The following SNTG1 variants were observed in gnomAD, a reference collection of about 807,000 sequenced individuals.
The protein encoded by SNTG1 is syntrophin gamma 1.
A neutral mutation model predicts 74.7 loss-of-function variants in SNTG1; 39 were observed. That is an observed-to-expected ratio of 0.52 (90% CI 0.40 to 0.68). The LOEUF is 0.68. Among genes scored for constraint, SNTG1 ranks in the 30% least tolerant of loss-of-function variants. SNTG1 has a pLI of 0.00. For synonymous variants in SNTG1, 254 were observed against 217.1 expected, an observed-to-expected ratio of 1.17 and a Z score of -1.49; for missense variants, 685 against 609.5, an observed-to-expected ratio of 1.12 and a Z score of -1.30.
At chr8:50,383,568 T>A (rs2092525691) in intron 2 of SNTG1, among the ~76,000 whole-genome samples, 1 of 152,194 alleles carries the variant, frequency 6.6e-6, no homozygotes, top group East Asian at 1.9e-4. Flanking sequence ...TAGTTGGTAG[T>A]AATAACCGCC....
At chr8:50,388,008 G>A (rs962189574) in intron 2 of SNTG1, among the ~76,000 whole-genome samples, 4 of 152,146 alleles carry the variant, frequency 2.6e-5, no homozygotes, top group Non-Finnish European at 1.5e-5. Context: ...CAACGTCTGT[G>A]TTTAACAGAA....
intron 13 of SNTG1, among the ~76,000 whole-genome samples, chr8:50,596,031 C>T (rs888128386): frequency 6.6e-6 from 1 of 151,890 alleles, no homozygotes; most frequent in Non-Finnish European, 1.5e-5. Flanking sequence ...GTATTTTGAA[C>T]ATTTTAAGAA....
rs539850534 is a variant in SNTG1, at chr8:49,964,795, G to A, written c.-103+52564G>A. Reference sequence around the variant, plus strand: ...TCCATGATAGTAGGTATTCATTAGTGATCTCTTCCAAAAATTGTCTTTGTT... The same window carrying A: ...TCCATGATAGTAGGTATTCATTAGTAATCTCTTCCAAAAATTGTCTTTGTT... On this transcript the variant is annotated intron_variant, in intron 1 of 18. Coordinates refer to ENST00000642720, the MANE Select transcript of SNTG1 (RefSeq NM_018967.5). 8.5e-5 allele frequency among the ~76,000 whole-genome samples: 13 copies of A among 152,170 alleles called. No individual in the cohort carries two copies. The South Asian group carries it at 2.5e-3, about 29-fold the overall frequency.
chr8:50,490,302 G>T (rs2093839853), intron 8 of SNTG1, among the ~76,000 whole-genome samples: 1 of 152,064 alleles, frequency 6.6e-6, no homozygotes, highest in South Asian at 2.1e-4. Context: ...TTCTAATTCT[G>T]TGAAGAAAGT....
At chr8:50,476,910 T>A (rs1212673620) in intron 8 of SNTG1, among the ~76,000 whole-genome samples, 1 of 134,050 alleles carries the variant, frequency 7.5e-6, no homozygotes, top group Non-Finnish European at 1.7e-5. Flanking sequence ...ACACACACAG[T>A]ATTAATAGGG....
chr8:50,560,983 T>G (rs146260473), intron 12 of SNTG1, among the ~76,000 whole-genome samples: 1 of 152,284 alleles, frequency 6.6e-6, no homozygotes, highest in Non-Finnish European at 1.5e-5. Flanking sequence ...TAGACTGACA[T>G]TATGACATTT....
At chr8:50,057,181 G>C (rs1820095243) in intron 1 of SNTG1, among the ~76,000 whole-genome samples, 1 of 152,084 alleles carries the variant, frequency 6.6e-6, no homozygotes, top group African/African-American at 2.4e-5. Flanking sequence ...GTTTTACTCA[G>C]AACGTGGTGT....
At chr8:50,024,664 A>C (rs1360748073) in intron 1 of SNTG1, among the ~76,000 whole-genome samples, 1 of 152,184 alleles carries the variant, frequency 6.6e-6, no homozygotes, top group Non-Finnish European at 1.5e-5. Context: ...AATTAGGCAC[A>C]GTCAGAGATT....
At chr8:50,017,118 C>G (rs1321232076) in intron 1 of SNTG1, among the ~76,000 whole-genome samples, 2 of 152,042 alleles carry the variant, frequency 1.3e-5, no homozygotes, top group African/African-American at 2.4e-5. Flanking sequence ...TATGGTTTCT[C>G]AAATACAAAC....
chr8:50,424,733 TA>T (rs1358236174), intron 4 of SNTG1, among the ~76,000 whole-genome samples: 2 of 152,146 alleles, frequency 1.3e-5, no homozygotes, highest in Non-Finnish European at 2.9e-5. Flanking sequence ...GTGACTTTGT[TA>T]AGAGGAGTTT....
chr8:49,920,612 C>G (rs905968195), intron 1 of SNTG1, among the ~76,000 whole-genome samples: 2 of 152,028 alleles, frequency 1.3e-5, no homozygotes, highest in Admixed American at 6.6e-5. Context: ...TTTAGTTTTA[C>G]TAACTAAGTA....
chr8:50,571,365 A>C (rs1222506132), intron 12 of SNTG1, among the ~76,000 whole-genome samples: 1 of 152,226 alleles, frequency 6.6e-6, no homozygotes, highest in Non-Finnish European at 1.5e-5. Context: ...ATTGATCCCC[A>C]GGTGACATAC....
At chr8:50,770,188 A>G (rs1256529441) in intron 18 of SNTG1, among the ~76,000 whole-genome samples, 4 of 152,156 alleles carry the variant, frequency 2.6e-5, no homozygotes, top group Admixed American at 2.0e-4. Context: ...TAAGAAATCA[A>G]AAGTGAATGT....
intron 17 of SNTG1, among the ~76,000 whole-genome samples, chr8:50,719,393 G>A (rs543512370): frequency 3.9e-5 from 6 of 152,200 alleles, no homozygotes; most frequent in East Asian, 1.9e-4. Flanking sequence ...CACTATTTTC[G>A]AAGCAGAGAA....
At chr8:49,938,647 CCT>C (rs148513656) in intron 1 of SNTG1, among the ~76,000 whole-genome samples, 3 of 110,676 alleles carry the variant, frequency 2.7e-5, no homozygotes, top group Non-Finnish European at 3.8e-5. Flanking sequence ...TTCTTTCCTT[CCT>C]CTCTCTCTCT....
intron 8 of SNTG1, 31 bp from the exon 9 acceptor site, chr8:50,502,747 A>G (rs2093972145): frequency 6.5e-7 from 1 of 1,547,516 alleles, no homozygotes; most frequent in Non-Finnish European, 8.9e-7. Context: ...AAATGTAATG[A>G]TGATTGTATT....
chr8:50,188,452 G>C (rs1046412510), intron 2 of SNTG1, among the ~76,000 whole-genome samples: 1 of 152,122 alleles, frequency 6.6e-6, no homozygotes, highest in African/African-American at 2.4e-5. Context: ...GCCCATCTCA[G>C]ACAGTACGTG....
rs2091867058 is a variant in SNTG1 at position 50,358,087 on chromosome 8, G to T, written c.-27-36125G>T. Among the ~76,000 whole-genome samples, 5 of 151,936 alleles carry T rather than the reference G, an allele frequency of 3.3e-5. No homozygotes were observed. In the South Asian group the frequency reaches 1.0e-3, roughly 32 times the overall value. On this transcript the variant is annotated intron_variant, in intron 2 of 18. Coordinates refer to ENST00000642720, the MANE Select transcript of SNTG1 (RefSeq NM_018967.5). The stretch of plus-strand genomic sequence containing the variant: ...TGTGAATCTCTTCCAAATATTGATT[G>T]TGTCCCACCATGTGGCAGGCTCTGT...
chr8:50,380,752 GT>G (rs1163642494), intron 2 of SNTG1, among the ~76,000 whole-genome samples: 1 of 152,084 alleles, frequency 6.6e-6, no homozygotes, highest in Non-Finnish European at 1.5e-5. Flanking sequence ...TATTTTCCAG[GT>G]TTTGGTTGCA....
Sources: allele counts gnomAD v4.1 joint callset (sites outside exome capture counted in the v4.1 genomes callset), GRCh38; gene constraint gnomAD v4.1.1; transcripts MANE v1.5; gene names NCBI Gene and HGNC (gene_info 2026-07-23, HGNC 2026-07-21).